ALOX12B: variants seen among roughly 807,000 people sequenced by gnomAD.
ALOX12B encodes arachidonate 12-lipoxygenase, 12R type.
In ALOX12B, 47 loss-of-function variants were observed where a neutral mutation model predicts 78.9. That is an observed-to-expected ratio of 0.60 (90% CI 0.47 to 0.76). The LOEUF is 0.76. ALOX12B is among the 30% of genes least tolerant of loss of function. The pLI is 0.00. For missense variants in ALOX12B, 805 were observed against 922.6 expected, an observed-to-expected ratio of 0.87 and a Z score of 1.65; for synonymous variants, 370 against 374.5, an observed-to-expected ratio of 0.99 and a Z score of 0.14.
At chr17:8,083,079 C>T (rs1978289143) in intron 2 of ALOX12B, among the ~76,000 whole-genome samples, 1 of 152,146 alleles carries the variant, frequency 6.6e-6, no homozygotes, top group Non-Finnish European at 1.5e-5. Flanking sequence ...CTGGGTCTAA[C>T]TATTCATAGT....
rs374549612 is a variant in ALOX12B at position 8,076,653 on chromosome 17, T to G, written c.1362+4A>C. The G allele has an allele frequency of 4.3e-4, 667 of 1,551,072 alleles. No individual in the cohort carries two copies. The highest frequency in any genetic ancestry group is 5.6e-4 in the Non-Finnish European group (645 of 1,146,700). On this transcript the variant is annotated splice_donor_region_variant and intron_variant, in intron 10 of 14. Coordinates refer to ENST00000647874, the MANE Select transcript of ALOX12B (RefSeq NM_001139.3). Reference sequence around the variant, plus strand: ...CTCGTTGGGGTTGGGGGCAGAAGTCTTACCTTGGCAGAGAGCCCCCCCTCA... The same window carrying G: ...CTCGTTGGGGTTGGGGGCAGAAGTCGTACCTTGGCAGAGAGCCCCCCCTCA...
In ALOX12B at chr17:8,087,474, A is replaced by G; in HGVS notation, c.-32T>C. The stretch of plus-strand genomic sequence containing the variant: ...TCTTCAGGAGGCAAGAGGGGCACTC[A>G]GTCCCAGACACCGTGGAGGGGCCAC... On this transcript the variant is annotated 5_prime_UTR_variant, in exon 1 of 15. Transcript: ENST00000647874. 1.1e-5 allele frequency: 17 copies of G among 1,613,866 alleles called. No individual in the cohort carries two copies. The highest frequency in any genetic ancestry group is 1.4e-5 in the Non-Finnish European group (16 of 1,180,000).
Position 8,072,701 on chromosome 17 carries a change from G to A in ALOX12B, c.*70C>T. 1 of 1,587,048 alleles carries A rather than the reference G, an allele frequency of 6.3e-7. No homozygotes were observed. Among genetic ancestry groups the A allele is most frequent in the Non-Finnish European group, 8.6e-7 (1 of 1,158,432 alleles). ...GGTCTCTGAGGTTTTTGTGTTTTTTGCTTGTTTGTTTTGTTTTGTTGAAAA... is the reference window on the plus strand; with the variant it reads ...GGTCTCTGAGGTTTTTGTGTTTTTTACTTGTTTGTTTTGTTTTGTTGAAAA... On this transcript the variant is annotated 3_prime_UTR_variant, in exon 15 of 15. Coordinates refer to ENST00000647874, the MANE Select transcript of ALOX12B (RefSeq NM_001139.3).
chr17:8,087,057 C>T (rs1021353441), intron 1 of ALOX12B, among the ~76,000 whole-genome samples: 10 of 152,080 alleles, frequency 6.6e-5, no homozygotes, highest in African/African-American at 2.4e-4. Context: ...GGGACATGGG[C>T]GAGGGGCTGG....
At position 8,076,330 on chromosome 17, in the gene ALOX12B, G is replaced by A. The variant is rs563699979; in HGVS notation, c.1377C>T (p.Gly459=). 3.9e-5 allele frequency: 63 copies of A among 1,605,442 alleles called. No homozygotes were observed. The highest frequency in any genetic ancestry group is 4.9e-5 in the Non-Finnish European group (58 of 1,175,850). ...CCATCACCCCAGCAAAGCCTTCCACGCCCAGGGACATGCCCTGTGAGGAAG... is the reference window on the plus strand; with the variant it reads ...CCATCACCCCAGCAAAGCCTTCCACACCCAGGGACATGCCCTGTGAGGAAG... ...GGLSAKGMSL[G]VEGFAGVMVR... Residue 459 remains glycine, a synonymous_variant, in exon 11 of 15, where the codon GGC becomes GGT. Coordinates refer to ENST00000647874, the MANE Select transcript of ALOX12B (RefSeq NM_001139.3).
At chr17:8,085,758 G>A (rs1978294962) in intron 2 of ALOX12B, among the ~76,000 whole-genome samples, 1 of 152,208 alleles carries the variant, frequency 6.6e-6, no homozygotes, top group Non-Finnish European at 1.5e-5. Context: ...TGGGAATGCT[G>A]TCTGCTGCCA....
At position 8,085,899 on chromosome 17, in the gene ALOX12B, C is replaced by G. The variant is rs1054735158; in HGVS notation, c.352+117G>C. The G allele has an allele frequency of 6.9e-5, 84 of 1,220,384 alleles. 1 individual carries two copies. The South Asian group carries it at 1.0e-3, about 15-fold the overall frequency. The allele number at this position is 1,220,384 out of a possible 1,614,324, so 75.6% of individuals were successfully genotyped here. The stretch of plus-strand genomic sequence containing the variant: ...GACAGTGGCAGGAGAGCCCAGGAGT[C>G]CCTGGTGGGGCTGGGCCCCCCTCTG... On this transcript the variant is annotated intron_variant, in intron 2 of 14. Coordinates refer to ENST00000647874, the MANE Select transcript of ALOX12B (RefSeq NM_001139.3).
chr17:8,079,689 C>A lies in ALOX12B; in HGVS notation c.927+80G>T. 6.5e-7 allele frequency: 1 copy of A among 1,549,922 alleles called. No individual in the cohort carries two copies. Among genetic ancestry groups the A allele is most frequent in the South Asian group, 1.2e-5 (1 of 84,690 alleles). On this transcript the variant is annotated intron_variant, in intron 7 of 14. Coordinates refer to ENST00000647874, the MANE Select transcript of ALOX12B (RefSeq NM_001139.3). This position sits in a 1 kb window ranked among gnomAD's most constrained non-coding sequence, Gnocchi z 6.4. ...CGGGCTTGCCTGGGACTGGCGCGGGCGCCGGAGGTGGGGAGAGACGGGGAT... is the reference window on the plus strand; with the variant it reads ...CGGGCTTGCCTGGGACTGGCGCGGGAGCCGGAGGTGGGGAGAGACGGGGAT...
intron 8 of ALOX12B, among the ~76,000 whole-genome samples, chr17:8,078,456 G>A (rs1407559375): frequency 6.6e-6 from 1 of 151,154 alleles, no homozygotes; most frequent in Non-Finnish European, 1.5e-5. Context: ...GGCCTAGAGA[G>A]CGGGCCTAGA....
rs1357604679 is a variant in ALOX12B at position 8,072,911 on chromosome 17, C to T, written c.1966G>A (p.Glu656Lys). Residue 656 changes from glutamate to lysine, a missense_variant, in exon 15 of 15, where the codon GAG (glutamate) becomes AAG (lysine). Glu to Lys is a moderately conservative substitution (Grantham distance 56). Coordinates refer to ENST00000647874, the MANE Select transcript of ALOX12B (RefSeq NM_001139.3). ...GCCTCTATGCTCCTCCGCGGGGCCT[C>T]CTCCACGAAGTGAATGTCCGGGAAG... ...GHFPDIHFVEEAPRRSIEAFR... is the reference protein window; with the variant it reads ...GHFPDIHFVEKAPRRSIEAFR... 6.2e-7 allele frequency: 1 copy of T among 1,613,918 alleles called. No individual in the cohort carries two copies. The highest frequency in any genetic ancestry group is 8.5e-7 in the Non-Finnish European group (1 of 1,179,918).
chr17:8,079,583 G>A lies in ALOX12B; in HGVS notation c.928-44C>T. ...GGGTGGCAAGTAGGCACCCACACGG[G>A]AAGCCCGTGACCCGCGCCGCAGGTG... On this transcript the variant is annotated intron_variant, in intron 7 of 14. Transcript: ENST00000647874. The surrounding 1 kb of genome is among the most constrained non-coding windows in gnomAD (Gnocchi z 6.4). 6.5e-7 allele frequency: 1 copy of A among 1,547,682 alleles called. No homozygotes were observed. The highest frequency in any genetic ancestry group is 8.7e-7 in the Non-Finnish European group (1 of 1,145,694).
rs1324445454 is a variant in ALOX12B at position 8,079,551 on chromosome 17, C to T, written c.928-12G>A. 1 of 1,549,882 alleles carries T rather than the reference C, an allele frequency of 6.5e-7. No individual in the cohort carries two copies. Among genetic ancestry groups the T allele is most frequent in the Non-Finnish European group, 8.7e-7 (1 of 1,146,604 alleles). ...TAAATGTTCCCCTTCTGGAGGGGAG[C>T]CGCGATGGGTGGCAAGTAGGCACCC... On this transcript the variant is annotated splice_polypyrimidine_tract_variant and intron_variant, in intron 7 of 14. Coordinates refer to ENST00000647874, the MANE Select transcript of ALOX12B (RefSeq NM_001139.3). The surrounding 1 kb of genome is among the most constrained non-coding windows in gnomAD (Gnocchi z 6.4).
rs778801170 is a variant in ALOX12B, at chr17:8,072,760, G to A, written c.*11C>T. ...CACAGAATGGGGAGAGGAGAGACGG[G>A]AAGCGCGCTCCTAAATAGAAATGCT... On this transcript the variant is annotated 3_prime_UTR_variant, in exon 15 of 15. Coordinates refer to ENST00000647874, the MANE Select transcript of ALOX12B (RefSeq NM_001139.3). 9 of 1,614,082 alleles carry A rather than the reference G, an allele frequency of 5.6e-6. No individual in the cohort carries two copies. In the Admixed American group the frequency reaches 1.5e-4, roughly 27 times the overall value.
chr17:8,087,575 G>A lies in ALOX12B; in HGVS notation c.-133C>T. ...GGGCTGGCCTCCGAGGTGCAGTGGT[G>A]AGGTGGCGAGGTGGGGTGACTAGGC... On this transcript the variant is annotated 5_prime_UTR_variant, in exon 1 of 15. Coordinates refer to ENST00000647874, the MANE Select transcript of ALOX12B (RefSeq NM_001139.3). 2 of 1,438,538 alleles carry A rather than the reference G, an allele frequency of 1.4e-6. No individual in the cohort carries two copies. The highest frequency in any genetic ancestry group is 1.9e-6 in the Non-Finnish European group (2 of 1,048,952). The allele number at this position is 1,438,538 out of a possible 1,614,324, so 89.1% of individuals were successfully genotyped here.
rs116828290 is a variant in ALOX12B at position 8,075,853 on chromosome 17, T to C, written c.1533-137A>G. 3,324 of 1,434,984 alleles carry C rather than the reference T, an allele frequency of 2.3e-3. 53 individuals carry two copies. The African/African-American group carries it at 0.04, about 17-fold the overall frequency. The allele number at this position is 1,434,984 out of a possible 1,614,324, so 88.9% of individuals were successfully genotyped here. A position where few individuals can be genotyped will look rare whatever the true frequency, so the allele number is the denominator to read the frequency against. ...CAGGCCTGTGGGAGGGCAAGTCCTG[T>C]GGGGCAGAAGTGGAGAGGATGGCTT... On this transcript the variant is annotated intron_variant, in intron 11 of 14. Coordinates refer to ENST00000647874, the MANE Select transcript of ALOX12B (RefSeq NM_001139.3).
rs1303937084 is a variant in ALOX12B, at chr17:8,080,965, A to C, written c.446T>G (p.Phe149Cys). Residue 149 changes from phenylalanine (F) to cysteine (C), a missense_variant, in exon 4 of 15, where the codon TTT becomes TGT. Transcript: ENST00000647874. This position sits in a 1 kb window ranked among gnomAD's most constrained non-coding sequence, Gnocchi z 4.8. ...AKQDFYHWRV[F>C]LPGLPSYVHI... ...CACATAGCTGGGCAGGCCAGGAAGA[A>C]AGACTCGCCAGCTGCAAGGGAAACC... 4 of 1,613,762 alleles carry C rather than the reference A, an allele frequency of 2.5e-6. No homozygotes were observed.
Position 8,080,903 on chromosome 17 carries a change from G to C in ALOX12B, c.508C>G (p.Arg170Gly), listed in dbSNP as rs1234184359. 6.2e-7 allele frequency: 1 copy of C among 1,613,918 alleles called. No homozygotes were observed. Among genetic ancestry groups the C allele is most frequent in the Non-Finnish European group, 8.5e-7 (1 of 1,180,008 alleles). Residue 170 changes from arginine to glycine, a missense_variant, in exon 4 of 15, where the codon CGC (arginine) becomes GGC (glycine). Coordinates refer to ENST00000647874, the MANE Select transcript of ALOX12B (RefSeq NM_001139.3). This position sits in a 1 kb window ranked among gnomAD's most constrained non-coding sequence, Gnocchi z 4.8. ...PSYRPPVRRH[R>G]NPNRPEWNGY... is the part of the protein sequence containing the mutation. Reference sequence around the variant, plus strand: ...CCTTACTCAGGCCGGTTGGGGTTGCGATGCCTCCGCACCGGAGGGCGGTAA... The same window carrying C: ...CCTTACTCAGGCCGGTTGGGGTTGCCATGCCTCCGCACCGGAGGGCGGTAA...
At position 8,079,937 on chromosome 17, in the gene ALOX12B, G is replaced by T. The variant is rs2151823018; in HGVS notation, c.759C>A (p.Tyr253Ter). The T allele has an allele frequency of 6.2e-7, 1 of 1,611,686 alleles. No homozygotes were observed. The highest frequency in any genetic ancestry group is 8.5e-7 in the Non-Finnish European group (1 of 1,179,160). Reference sequence around the variant, plus strand: ...TGTCCTCTGCCCAGTGCTCGGCCACGTACTCTGCGAGGACGGCGCGAGGGC... The same window carrying T: ...TGTCCTCTGCCCAGTGCTCGGCCACTTACTCTGCGAGGACGGCGCGAGGGC... ...FPGKKSVVSE[Y>*]VAEHWAEDTF... Residue 253 changes from tyrosine to a stop codon, truncating the protein, a stop_gained, in exon 7 of 15, where the codon TAC becomes TAA. Transcript: ENST00000647874. LOFTEE classifies it high-confidence loss of function. The surrounding 1 kb of genome is among the most constrained non-coding windows in gnomAD (Gnocchi z 6.4).
Position 8,076,287 on chromosome 17 carries a change from G to A in ALOX12B, c.1420C>T (p.Leu474Phe). 6.2e-7 allele frequency: 1 copy of A among 1,613,770 alleles called. No individual in the cohort carries two copies. Among genetic ancestry groups the A allele is most frequent in the African/African-American group, 1.3e-5 (1 of 75,012 alleles). ...GGGAGGTAGAGGCTGTCATAGGTGA[G>A]CTCCGACAGAGCCCGTACCATCACC... ...AGVMVRALSE[L>F]TYDSLYLPND... Residue 474 changes from leucine (L) to phenylalanine (F), a missense_variant, in exon 11 of 15, where the codon CTC becomes TTC. Coordinates refer to ENST00000647874, the MANE Select transcript of ALOX12B (RefSeq NM_001139.3).
Sources: gnomAD v4.1 joint callset for allele counts (sites outside exome capture counted in the v4.1 genomes callset) on GRCh38, gnomAD v4.1.1 for gene constraint, Gnocchi (gnomAD v3.1) non-coding constraint, MANE v1.5 for transcripts, NCBI Gene and HGNC (gene_info 2026-07-23, HGNC 2026-07-21) for gene names.